ACVR2A: variants seen among roughly 807,000 people sequenced by gnomAD.
ACVR2A encodes activin A receptor type 2A.
ACVR2A carries 7 observed loss-of-function variants against 61.4 expected under a neutral mutation model. The observed-to-expected ratio is 0.11, with a 90% CI of 0.06 to 0.21. The LOEUF (loss-of-function observed/expected upper bound fraction) is 0.21. Among genes scored for constraint, ACVR2A ranks in the 10% least tolerant of loss-of-function variants. The pLI, the probability that ACVR2A is intolerant of heterozygous loss-of-function variation, is 1.00. For missense variants in ACVR2A, 322 were observed against 621.7 expected (o/e 0.52, Z 5.13); for synonymous variants, 193 against 208.3 (o/e 0.93, Z 0.63).
At position 147,854,945 on chromosome 2, in the gene ACVR2A, A is replaced by G. The variant is rs1384129291; in HGVS notation, c.55+9738A>G. ...TGGCCAGGCTGGAGTGCAGTGGTGC[A>G]ATCTTGGCTTACCACAACCCCAGCC... is the stretch of plus-strand genomic sequence containing the variant. On this transcript the variant is annotated intron_variant, in intron 1 of 10. Transcript: ENST00000241416. 3.3e-5 allele frequency among the ~76,000 whole-genome samples: 5 copies of G among 151,826 alleles called. No homozygotes were observed. In the South Asian group the frequency reaches 1.0e-3, roughly 32 times the overall value.
In ACVR2A at chr2:147,928,792, A is replaced by G. The variant is rs1436101261; in HGVS notation, c.*1518A>G. On this transcript the variant is annotated 3_prime_UTR_variant, in exon 11 of 11. Coordinates refer to ENST00000241416, the MANE Select transcript of ACVR2A (RefSeq NM_001616.5). ...TAGAATACAATTGGATTCTTCCTCAAATTTATACAGGCCAAAAAGTAAAAC... is the reference window on the plus strand; with the variant it reads ...TAGAATACAATTGGATTCTTCCTCAGATTTATACAGGCCAAAAAGTAAAAC... 1 of 152,420 alleles carries G rather than the reference A, an allele frequency of 6.6e-6. No individual in the cohort carries two copies. Among genetic ancestry groups the G allele is most frequent in the Non-Finnish European group, 1.5e-5 (1 of 67,968 alleles). 9.4% of individuals were successfully genotyped at this position (152,420 alleles called of 1,614,324 possible). A position where few individuals can be genotyped will look rare whatever the true frequency, so the allele number is the denominator to read the frequency against.
intron 2 of ACVR2A, chr2:147,897,202 TTCTCCATGTTGGTCAAGCTGG>T: frequency 6.6e-6 from 1 of 152,138 alleles, no homozygotes; most frequent in South Asian, 2.1e-4. Context: ...GATACAGGGT[TTCTCCATGTTGGTCAAGCTGG>T]TCTCGATCTC....
intron 1 of ACVR2A, among the ~76,000 whole-genome samples, chr2:147,858,124 G>A (rs1448688999): frequency 6.6e-6 from 1 of 152,106 alleles, no homozygotes; most frequent in Non-Finnish European, 1.5e-5. Flanking sequence ...CCATGTCCCT[G>A]CGAAGGACGT....
chr2:147,882,645 G>A (rs1686334280), intron 1 of ACVR2A, among the ~76,000 whole-genome samples: 1 of 152,192 alleles, frequency 6.6e-6, no homozygotes, highest in East Asian at 1.9e-4. Flanking sequence ...CATGCCACAT[G>A]CACATTGTCT....
chr2:147,879,922 G>A (rs115302945), intron 1 of ACVR2A, among the ~76,000 whole-genome samples: 1,551 of 152,178 alleles, frequency 0.01, 34 homozygotes, highest in African/African-American at 0.035. Context: ...ATCTAACTTA[G>A]ATTTTCTAAT....
chr2:147,897,693 A>G (rs1406324884), intron 2 of ACVR2A, among the ~76,000 whole-genome samples: 1 of 152,210 alleles, frequency 6.6e-6, no homozygotes, highest in Non-Finnish European at 1.5e-5. Flanking sequence ...AATGCATTGA[A>G]TAGGCCCTTG....
At chr2:147,858,367 G>C (rs1166211673) in intron 1 of ACVR2A, among the ~76,000 whole-genome samples, 1 of 152,066 alleles carries the variant, frequency 6.6e-6, no homozygotes, top group South Asian at 2.1e-4. Context: ...TCTTTAGGCT[G>C]TCTGCAAATA....
chr2:147,915,274 T>C lies in ACVR2A; in HGVS notation c.612T>C (p.Gly204=), dbSNP rs755963775. The stretch of plus-strand genomic sequence containing the variant: ...AAGTGAAAGCAAGGGGAAGATTTGG[T>C]TGTGTCTGGAAAGCCCAGTTGCTTA... ...LLEVKARGRF[G]CVWKAQLLNE... Residue 204 remains glycine, a synonymous_variant, in exon 5 of 11, where the codon GGT becomes GGC. Coordinates refer to ENST00000241416, the MANE Select transcript of ACVR2A (RefSeq NM_001616.5). 4 of 1,612,416 alleles carry C rather than the reference T, an allele frequency of 2.5e-6. No individual in the cohort carries two copies. Among genetic ancestry groups the C allele is most frequent in the Non-Finnish European group, 2.5e-6 (3 of 1,178,782 alleles).
At chr2:147,923,171 G>A (rs1687427433) in intron 9 of ACVR2A, 60 bp downstream of exon 9, 1 of 1,513,994 alleles carries the variant, frequency 6.6e-7, no homozygotes, top group Non-Finnish European at 8.9e-7. Context: ...ATATGAAAAG[G>A]GATGATACAC....
chr2:147,882,220 G>T (rs1030015591), intron 1 of ACVR2A, among the ~76,000 whole-genome samples: 2 of 152,196 alleles, frequency 1.3e-5, no homozygotes, highest in African/African-American at 4.8e-5. Flanking sequence ...CGTTTTGGAT[G>T]CTTGCCTTTG....
At chr2:147,919,444 G>T (rs1687328290) in intron 7 of ACVR2A, among the ~76,000 whole-genome samples, 1 of 152,044 alleles carries the variant, frequency 6.6e-6, no homozygotes. Flanking sequence ...AGTTATTAAG[G>T]GCCTGAAAGT....
intron 4 of ACVR2A, among the ~76,000 whole-genome samples, chr2:147,908,203 C>G (rs1425572926): frequency 6.6e-6 from 1 of 151,994 alleles, no homozygotes; most frequent in Non-Finnish European, 1.5e-5. Context: ...GGTTTATTTT[C>G]TGGTTTTTTC....
intron 2 of ACVR2A, among the ~76,000 whole-genome samples, chr2:147,898,069 G>A (rs1686785144): frequency 6.6e-6 from 1 of 152,114 alleles, no homozygotes; most frequent in African/African-American, 2.4e-5. Flanking sequence ...CTCGGATAGT[G>A]CCAAAAAGAG....
chr2:147,924,358 T>A (rs145423749), intron 9 of ACVR2A, among the ~76,000 whole-genome samples: 1 of 152,168 alleles, frequency 6.6e-6, no homozygotes, highest in Non-Finnish European at 1.5e-5. Flanking sequence ...AAATATATCC[T>A]GGACAATTAA....
At chr2:147,860,119 G>A (rs1217081478) in intron 1 of ACVR2A, among the ~76,000 whole-genome samples, 2 of 152,088 alleles carry the variant, frequency 1.3e-5, no homozygotes, top group Admixed American at 6.5e-5. Flanking sequence ...TAAGAAAGGA[G>A]GGATTTCACC....
chr2:147,924,456 A>G (rs138132774), intron 9 of ACVR2A, among the ~76,000 whole-genome samples: 1 of 152,168 alleles, frequency 6.6e-6, no homozygotes, highest in Non-Finnish European at 1.5e-5. Context: ...GCAATACTTA[A>G]GAAATACAAG....
intron 1 of ACVR2A, among the ~76,000 whole-genome samples, chr2:147,889,726 G>C (rs921580767): frequency 3.3e-5 from 5 of 151,950 alleles, no homozygotes; most frequent in African/African-American, 1.2e-4. Context: ...CAGCCTGGGC[G>C]ACAGAGTGAG....
At chr2:147,905,179 A>AC (rs1323072501) in intron 4 of ACVR2A, among the ~76,000 whole-genome samples, 2 of 151,954 alleles carry the variant, frequency 1.3e-5, no homozygotes, top group Admixed American at 1.3e-4. Context: ...ATCCCTTGGC[A>AC]CCTTTCTTTA....
chr2:147,859,249 C>T (rs1685664405), intron 1 of ACVR2A, among the ~76,000 whole-genome samples: 1 of 151,974 alleles, frequency 6.6e-6, no homozygotes, highest in Non-Finnish European at 1.5e-5. Flanking sequence ...AGCACTCTCA[C>T]AGTTTCCTTC....
Sources: allele counts gnomAD v4.1 joint callset (sites outside exome capture counted in the v4.1 genomes callset), GRCh38; gene constraint gnomAD v4.1.1; transcripts MANE v1.5; gene names NCBI Gene and HGNC (gene_info 2026-07-23, HGNC 2026-07-21).